The following LRFN2 variants were observed in gnomAD, a reference collection of about 807,000 sequenced individuals.
LRFN2 encodes leucine rich repeat and fibronectin type III domain containing 2.
LRFN2 carries 18 observed loss-of-function variants against 37.3 expected under a neutral mutation model. That is an observed-to-expected ratio of 0.48 (90% confidence interval 0.33 to 0.72). LRFN2 has a LOEUF of 0.72. LRFN2 is among the 30% of genes least tolerant of loss of function. LRFN2 has a pLI of 0.02. For synonymous variants in LRFN2, 556 were observed against 466.6 expected (o/e 1.19, Z -2.47); for missense variants, 1,006 against 1,060.7 (o/e 0.95, Z 0.72).
intron 1 of LRFN2, among the ~76,000 whole-genome samples, chr6:40,460,496 G>A (rs1487388033): frequency 6.6e-6 from 1 of 152,144 alleles, no homozygotes; most frequent in Non-Finnish European, 1.5e-5. Context: ...GCTGGATTCA[G>A]CCCAGATCCC....
chr6:40,457,631 C>T (rs572896430), intron 1 of LRFN2, among the ~76,000 whole-genome samples: 118 of 115,058 alleles, frequency 1.0e-3, no homozygotes, highest in Admixed American at 1.1e-3. Flanking sequence ...AAAGAAAGAC[C>T]CTGTTTAAAA....
intron 2 of LRFN2, among the ~76,000 whole-genome samples, chr6:40,422,841 A>G (rs907792113): frequency 1.3e-5 from 2 of 152,160 alleles, no homozygotes; most frequent in African/African-American, 4.8e-5. Flanking sequence ...TTCTCTTGTT[A>G]TCTCTTACTG....
intron 1 of LRFN2, among the ~76,000 whole-genome samples, chr6:40,583,817 T>C (rs1767450236): frequency 2.6e-5 from 4 of 152,002 alleles, no homozygotes; most frequent in Admixed American, 2.6e-4. Flanking sequence ...CCTCACAACA[T>C]TCCTCTGAGG....
At chr6:40,535,043 C>T (rs1766423353) in intron 1 of LRFN2, among the ~76,000 whole-genome samples, 1 of 152,192 alleles carries the variant, frequency 6.6e-6, no homozygotes. Flanking sequence ...CTTTTAATCA[C>T]CACTCTAGTT....
intron 1 of LRFN2, among the ~76,000 whole-genome samples, chr6:40,546,942 A>G (rs969473026): frequency 6.6e-6 from 1 of 152,156 alleles, no homozygotes; most frequent in African/African-American, 2.4e-5. Context: ...TCATTTGTCA[A>G]ATGAGACAAA....
At chr6:40,544,500 C>T (rs1307017175) in intron 1 of LRFN2, among the ~76,000 whole-genome samples, 2 of 152,160 alleles carry the variant, frequency 1.3e-5, no homozygotes, top group Non-Finnish European at 2.9e-5. Context: ...TGGCTGGGTA[C>T]TTGAGCGGCC....
At chr6:40,573,848 C>T (rs1767229886) in intron 1 of LRFN2, among the ~76,000 whole-genome samples, 1 of 152,108 alleles carries the variant, frequency 6.6e-6, no homozygotes, top group Non-Finnish European at 1.5e-5. Flanking sequence ...CATGGTGATG[C>T]TACTCGGGGA....
At chr6:40,549,002 C>T (rs762780373) in intron 1 of LRFN2, among the ~76,000 whole-genome samples, 6 of 152,152 alleles carry the variant, frequency 3.9e-5, no homozygotes, top group Non-Finnish European at 5.9e-5. Flanking sequence ...CAGTTTCAAC[C>T]GGTGAATTGA....
At chr6:40,421,029 G>A (rs1763216749) in intron 2 of LRFN2, among the ~76,000 whole-genome samples, 1 of 152,224 alleles carries the variant, frequency 6.6e-6, no homozygotes, top group Non-Finnish European at 1.5e-5. Flanking sequence ...TCCAAACTCT[G>A]TTAAAGGCTG....
chr6:40,496,412 C>T (rs567558256), intron 1 of LRFN2, among the ~76,000 whole-genome samples: 9 of 152,320 alleles, frequency 5.9e-5, no homozygotes, highest in African/African-American at 1.9e-4. Flanking sequence ...ACACAGCCCC[C>T]ACTGCAGCCT....
intron 1 of LRFN2, among the ~76,000 whole-genome samples, chr6:40,449,080 T>C (rs1294961567): frequency 6.6e-6 from 1 of 152,202 alleles, no homozygotes; most frequent in East Asian, 1.9e-4. Context: ...TGTTCTTCCC[T>C]AGTAAGAATC....
At chr6:40,471,017 C>T (rs1261947012) in intron 1 of LRFN2, among the ~76,000 whole-genome samples, 1 of 152,156 alleles carries the variant, frequency 6.6e-6, no homozygotes. Flanking sequence ...GATGTTGGTA[C>T]ATCGGGGTGT....
In LRFN2 at chr6:40,412,431, G is replaced by A. The variant is rs573151492; in HGVS notation, c.1400+19283C>T. ...GCCTAGCCTGGGGCTGCACAGCTCC[G>A]GGGTCCCATAGGTAACAGAGCATGA... On this transcript the variant is annotated intron_variant, in intron 2 of 2. Transcript: ENST00000338305. Among the ~76,000 whole-genome samples, 161 of 152,260 alleles carry A rather than the reference G, an allele frequency of 1.1e-3. 1 individual carries two copies. Among genetic ancestry groups the A allele is most frequent in the Non-Finnish European group, 3.2e-4 (22 of 68,018 alleles).
chr6:40,575,293 A>G (rs889308736), intron 1 of LRFN2, among the ~76,000 whole-genome samples: 2 of 152,182 alleles, frequency 1.3e-5, no homozygotes, highest in East Asian at 3.9e-4. Flanking sequence ...AGCTAAGCCC[A>G]GCTCCGAGGT....
intron 1 of LRFN2, among the ~76,000 whole-genome samples, chr6:40,453,940 T>C (rs1237365773): frequency 1.3e-5 from 2 of 152,174 alleles, no homozygotes; most frequent in African/African-American, 4.8e-5. Flanking sequence ...CTCTCCCTGC[T>C]TCAGGTAAAC....
At chr6:40,495,339 T>A (rs1403498539) in intron 1 of LRFN2, among the ~76,000 whole-genome samples, 2 of 152,180 alleles carry the variant, frequency 1.3e-5, no homozygotes, top group South Asian at 2.1e-4. Flanking sequence ...CTATTTAACA[T>A]CTTAACAAAT....
intron 2 of LRFN2, among the ~76,000 whole-genome samples, chr6:40,414,167 C>T (rs1763042581): frequency 6.6e-6 from 1 of 152,184 alleles, no homozygotes; most frequent in African/African-American, 2.4e-5. Context: ...CTCTCTTCTC[C>T]CTGCAATTCC....
intron 1 of LRFN2, among the ~76,000 whole-genome samples, chr6:40,578,605 A>C (rs1767337068): frequency 6.6e-6 from 1 of 152,218 alleles, no homozygotes; most frequent in Admixed American, 6.5e-5. Context: ...ATCAGTTAAG[A>C]GGGTCCTCAG....
chr6:40,526,154 A>G (rs578166143), intron 1 of LRFN2, among the ~76,000 whole-genome samples: 5 of 152,348 alleles, frequency 3.3e-5, no homozygotes, highest in African/African-American at 1.2e-4. Context: ...TGCTGTCCCC[A>G]TTCCACAGAA....
Sources: allele counts gnomAD v4.1 joint callset (sites outside exome capture counted in the v4.1 genomes callset), GRCh38; gene constraint gnomAD v4.1.1; transcripts MANE v1.5; gene names NCBI Gene and HGNC (gene_info 2026-07-23, HGNC 2026-07-21).